Variants in CDC42BPB observed in about 807,000 individuals in gnomAD.
CDC42BPB encodes the protein CDC42 binding protein kinase beta, also known as serine/threonine-protein kinase MRCK beta.
Under a neutral mutation model 214.9 loss-of-function variants are expected in CDC42BPB, and 37 were observed. The observed-to-expected ratio is 0.17, with a 90% CI of 0.13 to 0.23. The LOEUF (loss-of-function observed/expected upper bound fraction) is 0.23. CDC42BPB is among the 10% of genes least tolerant of loss of function. The pLI, the probability that CDC42BPB is intolerant of heterozygous loss-of-function variation, is 1.00. For missense variants in CDC42BPB, 1,694 were observed against 2,227.0 expected (o/e 0.76, Z 4.82); for synonymous variants, 931 against 884.0 (o/e 1.05, Z -0.94).
intron 4 of CDC42BPB, among the ~76,000 whole-genome samples, chr14:103,000,496 C>G (rs192866196): frequency 6.6e-6 from 1 of 152,384 alleles, no homozygotes; most frequent in Admixed American, 6.5e-5. Context: ...GCAAGACCAT[C>G]ACAGCCAGAG....
intron 28 of CDC42BPB, among the ~76,000 whole-genome samples, chr14:102,945,943 GGT>G (rs1254149501): frequency 6.6e-6 from 1 of 152,194 alleles, no homozygotes. Context: ...CAAGGATTTG[GGT>G]GTGTGTGGGG....
intron 2 of CDC42BPB, among the ~76,000 whole-genome samples, chr14:103,011,458 C>A (rs1470124426): frequency 1.3e-5 from 2 of 152,190 alleles, no homozygotes; most frequent in South Asian, 4.1e-4. Flanking sequence ...GAAGGCTGGG[C>A]GTGGTGACTC....
rs1171756615 is a variant in CDC42BPB, at chr14:102,952,656, A to C, written c.3067-53T>G. ...GGTGAACCATGGACTCTTGAGAGTC[A>C]GATCCATCTGCCTGTGATCCAGTTT... On this transcript the variant is annotated intron_variant, in intron 23 of 36. Transcript: ENST00000361246. The C allele has an allele frequency of 4.4e-6, 7 of 1,581,418 alleles. No homozygotes were observed. In the Admixed American group the frequency reaches 1.1e-4, roughly 24 times the overall value.
At chr14:102,983,372 C>G (rs909743814) in intron 7 of CDC42BPB, among the ~76,000 whole-genome samples, 184 bp downstream of exon 7, 5 of 152,108 alleles carry the variant, frequency 3.3e-5, no homozygotes, top group Non-Finnish European at 7.3e-5. Flanking sequence ...GGTGCCGACC[C>G]CGCCTCTGGA....
intron 1 of CDC42BPB, among the ~76,000 whole-genome samples, chr14:103,022,311 T>C (rs191021401): frequency 3.3e-5 from 5 of 152,182 alleles, no homozygotes; most frequent in Admixed American, 1.3e-4. Flanking sequence ...TGATTGGCCT[T>C]TTGAGAATGA....
rs1595436957 is a variant in CDC42BPB at position 102,932,536 on chromosome 14, T to C, written c.*1176A>G. 1.3e-5 allele frequency: 2 copies of C among 152,364 alleles called. No homozygotes were observed. Among genetic ancestry groups the C allele is most frequent in the African/African-American group, 4.8e-5 (2 of 41,392 alleles). The allele number at this position is 152,364 out of a possible 1,614,324, so 9.4% of individuals were successfully genotyped here. ...TCCAGCAGAAGGCCCAGGAGGGCAG[T>C]GGGGTGGCAGGGCTAGGCGGTGCTG... On this transcript the variant is annotated 3_prime_UTR_variant, in exon 37 of 37. Transcript: ENST00000361246.
intron 1 of CDC42BPB, among the ~76,000 whole-genome samples, chr14:103,056,462 G>A (rs934864675): frequency 6.6e-6 from 1 of 152,116 alleles, no homozygotes; most frequent in Non-Finnish European, 1.5e-5. Flanking sequence ...CAGTGGGCGA[G>A]GCAGATGCAG....
chr14:102,986,520 A>G lies in CDC42BPB; in HGVS notation c.657T>C (p.Phe219=). Residue 219 remains phenylalanine, a synonymous_variant, in exon 6 of 37, where the codon TTT becomes TTC. Coordinates refer to ENST00000361246, the MANE Select transcript of CDC42BPB (RefSeq NM_006035.4). ...DVNGHIRLAD[F]GSCLKMNDDG... ...CATCATTCATCTTCAAACATGATCC[A>G]AAGTCAGCCAGGCGGATATGACCAT... The G allele has an allele frequency of 6.2e-7, 1 of 1,614,040 alleles. No homozygotes were observed. Among genetic ancestry groups the G allele is most frequent in the Non-Finnish European group, 8.5e-7 (1 of 1,179,932 alleles).
chr14:102,978,164 T>G lies in CDC42BPB; in HGVS notation c.1182A>C (p.Leu394Phe), dbSNP rs1400880323. 2.5e-6 allele frequency: 4 copies of G among 1,613,938 alleles called. No individual in the cohort carries two copies. Among genetic ancestry groups the G allele is most frequent in the Non-Finnish European group, 3.4e-6 (4 of 1,179,806 alleles). Reference sequence around the variant, plus strand: ...ATGTAAAACCAATGAATGGCAAATGTAATCCAGAAAAGCCTGTGTGAGAAC... The same window carrying G: ...ATGTAAAACCAATGAATGGCAAATGGAATCCAGAAAAGCCTGTGTGAGAAC... ...PPGSHTGFSG[L>F]HLPFIGFTFT... The change falls in exon 9 of 37, where the codon TTA becomes TTC. Residue 394 changes from leucine (L) to phenylalanine (F), a missense_variant. Leu to Phe is a conservative substitution (Grantham distance 22). Transcript: ENST00000361246.
intron 5 of CDC42BPB, among the ~76,000 whole-genome samples, chr14:102,993,241 C>T (rs567338446): frequency 1.3e-5 from 2 of 151,854 alleles, no homozygotes; most frequent in Admixed American, 6.6e-5. Flanking sequence ...ACAAATTCTT[C>T]TTCATACGTT....
intron 36 of CDC42BPB, among the ~76,000 whole-genome samples, chr14:102,936,120 C>T (rs779541519): frequency 1.3e-4 from 20 of 152,170 alleles, no homozygotes; most frequent in Admixed American, 4.6e-4. Flanking sequence ...GTGAGGATGT[C>T]GAGATATGAG....
At chr14:103,027,409 A>T (rs1887112812) in intron 1 of CDC42BPB, among the ~76,000 whole-genome samples, 1 of 152,244 alleles carries the variant, frequency 6.6e-6, no homozygotes, top group African/African-American at 2.4e-5. Context: ...TAATATAAAA[A>T]AAATTTGTAC....
Position 102,963,116 on chromosome 14 carries a change from T to G in CDC42BPB, c.2766A>C (p.Leu922Phe). ...TTTTCTTCAAAATTTCCATTTCTTC[T>G]AATAATTCTCTGTTTTTGGCTTCGG... ...KDSEAKNREL[L>F]EEMEILKKKM... The change falls in exon 20 of 37, where the codon TTA becomes TTC. Residue 922 changes from leucine (L) to phenylalanine (F), a missense_variant. Leu to Phe is a conservative substitution (Grantham distance 22). Coordinates refer to ENST00000361246, the MANE Select transcript of CDC42BPB (RefSeq NM_006035.4). 1 of 1,595,368 alleles carries G rather than the reference T, an allele frequency of 6.3e-7. No individual in the cohort carries two copies. The highest frequency in any genetic ancestry group is 8.6e-7 in the Non-Finnish European group (1 of 1,164,646).
At chr14:102,984,002 C>G in intron 6 of CDC42BPB, 1 of 406,028 alleles carries the variant, frequency 2.5e-6, no homozygotes, top group African/African-American at 2.2e-5. Context: ...CCAACACGGG[C>G]AACATGGTCC....
Position 102,943,524 on chromosome 14 carries a change from G to C in CDC42BPB, c.4408+367C>G, listed in dbSNP as rs745726908. Among the ~76,000 whole-genome samples, 47 of 151,938 alleles carry C rather than the reference G, an allele frequency of 3.1e-4. 1 individual carries two copies. The highest frequency in any genetic ancestry group is 1.2e-4 in the Non-Finnish European group (8 of 68,026). ...CCCTCAAGCTTGTCTTTACTACTGT[G>C]TAAGTTTCTGTATTATCACGAGGAA... On this transcript the variant is annotated intron_variant, in intron 30 of 36. Coordinates refer to ENST00000361246, the MANE Select transcript of CDC42BPB (RefSeq NM_006035.4). This position sits in a 1 kb window ranked among gnomAD's most constrained non-coding sequence, Gnocchi z 4.6.
chr14:102,973,824 C>G (rs1005959194), intron 12 of CDC42BPB, among the ~76,000 whole-genome samples, 192 bp downstream of exon 12: 1 of 152,202 alleles, frequency 6.6e-6, no homozygotes, highest in Non-Finnish European at 1.5e-5. Flanking sequence ...CTCTGCCAGC[C>G]GACGCGGGGG....
At chr14:102,945,106 C>T (rs886620928) in intron 29 of CDC42BPB, 32 of 374,432 alleles carry the variant, frequency 8.5e-5, no homozygotes, top group South Asian at 3.5e-4. Flanking sequence ...GCGGCTGCCC[C>T]GCCCTTCTCG....
intron 4 of CDC42BPB, among the ~76,000 whole-genome samples, chr14:103,002,292 C>T (rs996446208): frequency 2.6e-5 from 4 of 152,318 alleles, no homozygotes; most frequent in East Asian, 1.9e-4. Flanking sequence ...TCCAAGGCCT[C>T]GCCTTCGTTT....
At chr14:103,056,523 G>C (rs1191506428) in intron 1 of CDC42BPB, among the ~76,000 whole-genome samples, 2 of 151,988 alleles carry the variant, frequency 1.3e-5, no homozygotes, top group Non-Finnish European at 2.9e-5. Context: ...GGTGGGGAAA[G>C]GGAACTAATT....
Sources: gnomAD v4.1 joint callset for allele counts (sites outside exome capture counted in the v4.1 genomes callset) on GRCh38, gnomAD v4.1.1 for gene constraint, Gnocchi (gnomAD v3.1) non-coding constraint, MANE v1.5 for transcripts, NCBI Gene and HGNC (gene_info 2026-07-23, HGNC 2026-07-21) for gene names.